C22orf31: variants seen among roughly 807,000 people sequenced by gnomAD.
C22orf31 encodes the protein uncharacterized protein C22orf31.
C22orf31 carries 11 observed loss-of-function variants against 15.0 expected under a neutral mutation model. The observed-to-expected ratio is 0.73, with a 90% CI of 0.46 to 1.21. The LOEUF is 1.21. Ranked by LOEUF, C22orf31 falls within the 50% of genes most tolerant of loss-of-function variation. The probability of loss-of-function intolerance (pLI) is 0.00; values close to 1 mark genes in which losing one functional copy is unlikely to be tolerated. For missense variants in C22orf31, 340 were observed against 347.2 expected (o/e 0.98, Z 0.17); for synonymous variants, 132 against 133.3 (o/e 0.99, Z 0.07).
the C22orf31 span, among the ~76,000 whole-genome samples, chr22:29,071,414 G>A: frequency 1.3e-5 from 2 of 152,012 alleles, no homozygotes; most frequent in African/African-American, 2.4e-5. Context: ...AGGAGTTTGG[G>A]GGTACGCGGG....
At chr22:29,067,305 C>G in the C22orf31 span, among the ~76,000 whole-genome samples, 1 of 151,614 alleles carries the variant, frequency 6.6e-6, no homozygotes, top group Non-Finnish European at 1.5e-5. Flanking sequence ...TAAAAATCCT[C>G]TTAAACTCTG....
the C22orf31 span, among the ~76,000 whole-genome samples, chr22:29,067,235 T>C: frequency 2.6e-5 from 4 of 151,410 alleles, no homozygotes; most frequent in African/African-American, 9.7e-5. Flanking sequence ...ATTTATTAAA[T>C]GTATAAAATA....
At chr22:29,062,822 G>A (rs941332283), upstream of C22orf31, among the ~76,000 whole-genome samples, 4 of 152,076 alleles carry the variant, frequency 2.6e-5, no homozygotes, top group Admixed American at 2.0e-4. Flanking sequence ...CCTTTCAGTG[G>A]CGAGCCCTGG....
At chr22:29,066,821 A>G (rs2037435300), upstream of C22orf31, among the ~76,000 whole-genome samples, 1 of 151,952 alleles carries the variant, frequency 6.6e-6, no homozygotes. Context: ...TCGGCCTCCC[A>G]AAGTGCTGGG....
intron 2 of C22orf31, chr22:29,059,770 G>A (rs1024303927): frequency 1.0e-6 from 1 of 984,740 alleles, no homozygotes; most frequent in Non-Finnish European, 1.2e-6. Context: ...TTGTGTGTGT[G>A]TGTGTGTGTG....
In C22orf31 at chr22:29,059,728, G is replaced by T. The variant is rs76172851; in HGVS notation, c.433-546C>A. The T allele has an allele frequency of 3.7e-3, 3,631 of 985,296 alleles. 101 individuals carry two copies. The African/African-American group carries it at 0.059, about 16-fold the overall frequency. 61.0% of individuals were successfully genotyped at this position (985,296 alleles called of 1,614,324 possible). On this transcript the variant is annotated intron_variant, in intron 2 of 2. Coordinates refer to ENST00000216071, the MANE Select transcript of C22orf31 (RefSeq NM_015370.2). ...CGTAGGCCAAGTTCTCCATGTGGAC[G>T]CTCACAATCCAGATCCATAGCTGAC...
upstream of C22orf31, among the ~76,000 whole-genome samples, chr22:29,065,075 G>A (rs891657566): frequency 3.3e-5 from 5 of 151,866 alleles, no homozygotes; most frequent in Admixed American, 6.6e-5. Flanking sequence ...GGCTGGTCTC[G>A]AACTCCTGAC....
the C22orf31 span, among the ~76,000 whole-genome samples, chr22:29,069,502 C>T: frequency 2.0e-5 from 3 of 152,180 alleles, no homozygotes; most frequent in Admixed American, 6.5e-5. Flanking sequence ...ACACCAACAT[C>T]TTTCTGGAGG....
the C22orf31 span, among the ~76,000 whole-genome samples, chr22:29,070,087 A>C: frequency 6.6e-5 from 10 of 151,810 alleles, no homozygotes; most frequent in East Asian, 1.9e-3. Context: ...CTGGGATTAC[A>C]GGCACCTACC....
At chr22:29,065,144 C>T (rs141170512), upstream of C22orf31, among the ~76,000 whole-genome samples, 161 of 152,266 alleles carry the variant, frequency 1.1e-3, no homozygotes, top group African/African-American at 3.5e-3. Context: ...TGAGCCACTG[C>T]GCCTGACCAT....
In C22orf31 at chr22:29,058,897, C is replaced by G. The variant is rs766118867; in HGVS notation, c.718G>C (p.Gly240Arg). 5 of 1,614,174 alleles carry G rather than the reference C, an allele frequency of 3.1e-6. No homozygotes were observed. In the South Asian group the frequency reaches 5.5e-5, roughly 18 times the overall value. The stretch of plus-strand genomic sequence containing the variant: ...CAGAGCTTTTGTTTAATGGCCTTGC[C>G]CAGCTCCAGGCTGTACCTCTTGGGG... ...GTPKRYSLEL[G>R]KAIKQKLWEA... Residue 240 changes from glycine to arginine, a missense_variant, in exon 3 of 3, where the codon GGC becomes CGC. Physicochemically the swap from Gly to Arg is moderately radical, Grantham distance 125. Coordinates refer to ENST00000216071, the MANE Select transcript of C22orf31 (RefSeq NM_015370.2).
At chr22:29,073,337 C>A in the C22orf31 span, 1 of 284,656 alleles carries the variant, frequency 3.5e-6, no homozygotes. The surrounding 1 kb of genome is among the most constrained non-coding windows in gnomAD (Gnocchi z 4.4). Flanking sequence ...ACCTTCCGGG[C>A]CCCTTCCCCT....
chr22:29,069,798 G>A, the C22orf31 span, among the ~76,000 whole-genome samples: 1 of 110,136 alleles, frequency 9.1e-6, no homozygotes, highest in Non-Finnish European at 2.0e-5. Flanking sequence ...GCCAGGAGGA[G>A]CTTGCACACA....
chr22:29,059,666 AC>A, intron 2 of C22orf31: 1 of 984,492 alleles, frequency 1.0e-6, no homozygotes, highest in Non-Finnish European at 1.2e-6. Context: ...CCTGCTGGCC[AC>A]CACGGGGTAA....
chr22:29,061,973 T>C (rs1241635650), upstream of C22orf31: 2 of 541,246 alleles, frequency 3.7e-6, no homozygotes, highest in South Asian at 2.6e-5. Flanking sequence ...GTGGGCTCAA[T>C]GCAGGCAGCT....
chr22:29,060,021 CTTTTTTTTTT>C lies in C22orf31; in HGVS notation c.432+384_432+393del, dbSNP rs60208241. The C allele has an allele frequency of 3.7e-4, 199 of 541,664 alleles. 2 individuals carry two copies. In the African/African-American group the frequency reaches 4.6e-3, roughly 13 times the overall value. 33.6% of individuals were successfully genotyped at this position (541,664 alleles called of 1,614,324 possible). On this transcript the variant is annotated intron_variant, in intron 2 of 2. Transcript: ENST00000216071. Reference sequence around the variant, plus strand: ...CTTGGTATAGATCTTTTTTTCTTTTCTTTTTTTTTTTTTTTTTTTTTTATTTTTTAGACAG... The same window carrying C: ...CTTGGTATAGATCTTTTTTTCTTTTCTTTTTTTTTTTTATTTTTTAGACAG...
At chr22:29,061,188 T>C (rs551990256) in intron 1 of C22orf31, among the ~76,000 whole-genome samples, 4 of 152,276 alleles carry the variant, frequency 2.6e-5, no homozygotes, top group Admixed American at 2.0e-4. Context: ...CCATATGAGC[T>C]GTAGACACTC....
In C22orf31 at chr22:29,060,352, T is replaced by C; in HGVS notation, c.432+63A>G. On this transcript the variant is annotated intron_variant, in intron 2 of 2. Coordinates refer to ENST00000216071, the MANE Select transcript of C22orf31 (RefSeq NM_015370.2). ...ATATAATCTCAACCGTTAAGTGTTCTCTGGCTTTACCTTTTCCCTCCCCTC... is the reference window on the plus strand; with the variant it reads ...ATATAATCTCAACCGTTAAGTGTTCCCTGGCTTTACCTTTTCCCTCCCCTC... 7 of 1,445,618 alleles carry C rather than the reference T, an allele frequency of 4.8e-6. No individual in the cohort carries two copies. In the South Asian group the frequency reaches 9.0e-5, roughly 19 times the overall value. The allele number at this position is 1,445,618 out of a possible 1,614,324, so 89.5% of individuals were successfully genotyped here. A position where few individuals can be genotyped will look rare whatever the true frequency, so the allele number is the denominator to read the frequency against.
At chr22:29,065,724 G>C (rs1247583437), upstream of C22orf31, among the ~76,000 whole-genome samples, 4 of 152,232 alleles carry the variant, frequency 2.6e-5, no homozygotes, top group Non-Finnish European at 5.9e-5. Context: ...GAATTTTAAA[G>C]TCAGGATGGA....
Sources: allele counts gnomAD v4.1 joint callset (sites outside exome capture counted in the v4.1 genomes callset), GRCh38; gene constraint gnomAD v4.1.1; non-coding constraint Gnocchi (gnomAD v3.1); transcripts MANE v1.5; gene names NCBI Gene and HGNC (gene_info 2026-07-23, HGNC 2026-07-21).